Variants in NRG1 observed in about 807,000 individuals in gnomAD.
The protein encoded by NRG1 is neuregulin 1.
NRG1 carries 18 observed loss-of-function variants against 63.8 expected under a neutral mutation model. The observed-to-expected ratio is 0.28, with a 90% CI of 0.19 to 0.42. The LOEUF (loss-of-function observed/expected upper bound fraction) is 0.42, where lower values mean the gene tolerates loss of function less well. Ranked by LOEUF, NRG1 falls within the 10% of genes least tolerant of loss-of-function variation. The pLI, the probability that NRG1 is intolerant of heterozygous loss-of-function variation, is 1.00. For missense variants in NRG1, 762 were observed against 814.7 expected (o/e 0.94, Z 0.79); for synonymous variants, 302 against 301.3 (o/e 1.00, Z -0.02).
At chr8:32,586,538 T>G (rs901634793) in intron 1 of NRG1, among the ~76,000 whole-genome samples, 1 of 152,204 alleles carries the variant, frequency 6.6e-6, no homozygotes, top group African/African-American at 2.4e-5. Context: ...AAAAATTTAC[T>G]GTAGTGGCTA....
At chr8:32,604,588 A>AC (rs1257315129) in intron 2 of NRG1, among the ~76,000 whole-genome samples, 1 of 152,088 alleles carries the variant, frequency 6.6e-6, no homozygotes, top group Non-Finnish European at 1.5e-5. Context: ...TAGGGGTCTC[A>AC]CCCTGCTGCC....
chr8:32,397,189 A>G (rs1812547740), intron 1 of NRG1, among the ~76,000 whole-genome samples: 1 of 152,098 alleles, frequency 6.6e-6, no homozygotes, highest in Non-Finnish European at 1.5e-5. Context: ...TGGAAAGCTA[A>G]TTTTTCTATA....
Position 31,640,030 on chromosome 8 carries a change from C to A in NRG1, c.37+599C>A. The A allele has an allele frequency of 1.8e-6, 2 of 1,140,612 alleles. No homozygotes were observed. The highest frequency in any genetic ancestry group is 2.1e-6 in the Non-Finnish European group (2 of 931,388). 70.7% of individuals were successfully genotyped at this position (1,140,612 alleles called of 1,614,324 possible). A position where few individuals can be genotyped will look rare whatever the true frequency, so the allele number is the denominator to read the frequency against. Reference sequence around the variant, plus strand: ...GCGCCGCTCCGGGCGTCCCGGCCCCCGGGCCCAGCGCCCCGGCTCCGCCGC... The same window carrying A: ...GCGCCGCTCCGGGCGTCCCGGCCCCAGGGCCCAGCGCCCCGGCTCCGCCGC... On this transcript the variant is annotated intron_variant, in intron 1 of 10. Transcript: ENST00000519301. The surrounding 1 kb of genome is among the most constrained non-coding windows in gnomAD (Gnocchi z 6.3).
chr8:32,560,124 T>C (rs1385315653), intron 1 of NRG1, among the ~76,000 whole-genome samples: 1 of 152,164 alleles, frequency 6.6e-6, no homozygotes, highest in Non-Finnish European at 1.5e-5. Flanking sequence ...AATAGGTAAC[T>C]TTCTACATTC....
At chr8:31,940,042 A>G (rs1048673588) in intron 1 of NRG1, among the ~76,000 whole-genome samples, 7 of 151,942 alleles carry the variant, frequency 4.6e-5, no homozygotes, top group Admixed American at 1.3e-4. Flanking sequence ...CTAGCCTGCA[A>G]CAAATGAACT....
At chr8:32,606,934 T>C (rs1052622419) in intron 3 of NRG1, among the ~76,000 whole-genome samples, 1 of 152,106 alleles carries the variant, frequency 6.6e-6, no homozygotes, top group Admixed American at 6.5e-5. Context: ...GAGATAAAAA[T>C]CAGAAACAGG....
chr8:31,866,620 A>G (rs1828987477), intron 1 of NRG1, among the ~76,000 whole-genome samples: 1 of 152,134 alleles, frequency 6.6e-6, no homozygotes, highest in Non-Finnish European at 1.5e-5. Context: ...CAAGTGTATT[A>G]GAGAGTTTAT....
chr8:32,187,252 C>A (rs181304603), intron 1 of NRG1, among the ~76,000 whole-genome samples: 1 of 151,968 alleles, frequency 6.6e-6, no homozygotes, highest in African/African-American at 2.4e-5. Flanking sequence ...TAAAAGTGGG[C>A]GCATTAGTGA....
intron 1 of NRG1, among the ~76,000 whole-genome samples, chr8:32,370,209 G>C (rs1808625554): frequency 6.6e-6 from 1 of 152,110 alleles, no homozygotes; most frequent in South Asian, 2.1e-4. Flanking sequence ...GAGTGAATAG[G>C]AGAAACCAAA....
At chr8:32,225,284 C>T (rs1033799848) in intron 1 of NRG1, among the ~76,000 whole-genome samples, 4 of 152,170 alleles carry the variant, frequency 2.6e-5, no homozygotes, top group African/African-American at 7.2e-5. Flanking sequence ...AAATATTTCC[C>T]TCATGTCCAG....
Position 32,226,244 on chromosome 8 carries a change from T to C in NRG1, c.38-369584T>C, listed in dbSNP as rs548261520. Among the ~76,000 whole-genome samples, 27 of 152,288 alleles carry C rather than the reference T, an allele frequency of 1.8e-4. No individual in the cohort carries two copies. In the South Asian group the frequency reaches 5.2e-3, roughly 29 times the overall value. On this transcript the variant is annotated intron_variant, in intron 1 of 10. Transcript: ENST00000519301. ...TTCTACCAATATTTCCGGCTCTTGA[T>C]ATGAAACTAGTTAAAGCTATTTTTT...
At chr8:32,188,789 C>T (rs1443362038) in intron 1 of NRG1, among the ~76,000 whole-genome samples, 1 of 151,542 alleles carries the variant, frequency 6.6e-6, no homozygotes, top group Non-Finnish European at 1.5e-5. Flanking sequence ...GGAAGGGGAA[C>T]ATCACACTCT....
At chr8:31,816,914 AAATT>A (rs1362646432) in intron 1 of NRG1, among the ~76,000 whole-genome samples, 1 of 152,222 alleles carries the variant, frequency 6.6e-6, no homozygotes, top group Non-Finnish European at 1.5e-5. Flanking sequence ...GATGTTATGA[AAATT>A]AAATAAGTTC....
At chr8:31,703,129 T>C (rs1810792546) in intron 1 of NRG1, among the ~76,000 whole-genome samples, 1 of 149,160 alleles carries the variant, frequency 6.7e-6, no homozygotes, top group Admixed American at 6.8e-5. Context: ...AGCTTAAATA[T>C]AAATAGATCT....
At chr8:32,044,774 A>T (rs981455434) in intron 1 of NRG1, among the ~76,000 whole-genome samples, 14 of 151,662 alleles carry the variant, frequency 9.2e-5, no homozygotes, top group African/African-American at 3.1e-4. Flanking sequence ...AAATGAAAGT[A>T]CAGCATATCA....
chr8:32,323,763 T>C (rs1801686317), intron 1 of NRG1, among the ~76,000 whole-genome samples: 1 of 152,194 alleles, frequency 6.6e-6, no homozygotes, highest in Non-Finnish European at 1.5e-5. Context: ...AATATCTGGG[T>C]TGATCCTGAG....
At chr8:32,274,643 C>T (rs1344675737) in intron 1 of NRG1, among the ~76,000 whole-genome samples, 3 of 152,118 alleles carry the variant, frequency 2.0e-5, no homozygotes, top group African/African-American at 7.2e-5. Context: ...ACATTCTATC[C>T]TCATCTTTTT....
At chr8:31,857,630 C>T (rs28878786) in intron 1 of NRG1, among the ~76,000 whole-genome samples, 2,261 of 152,292 alleles carry the variant, frequency 0.015, 64 homozygotes, top group African/African-American at 0.052. Flanking sequence ...GCCATCTTGG[C>T]TTCAAGAGCG....
intron 10 of NRG1, among the ~76,000 whole-genome samples, chr8:32,759,767 C>A (rs966859888): frequency 1.6e-4 from 25 of 152,148 alleles, no homozygotes; most frequent in Non-Finnish European, 3.5e-4. Flanking sequence ...CTGGGAAATG[C>A]ACATGAGAAT....
Sources: allele counts gnomAD v4.1 joint callset (sites outside exome capture counted in the v4.1 genomes callset), GRCh38; gene constraint gnomAD v4.1.1; non-coding constraint Gnocchi (gnomAD v3.1); transcripts MANE v1.5; gene names NCBI Gene and HGNC (gene_info 2026-07-23, HGNC 2026-07-21).